Variants in NLGN4Y observed in about 807,000 individuals in gnomAD.
NLGN4Y encodes the protein neuroligin 4 Y-linked, also known as neuroligin-4, Y-linked.
A neutral mutation model predicts 8.4 loss-of-function variants in NLGN4Y; 4 were observed. The observed-to-expected ratio is 0.48, with a 90% confidence interval of 0.23 to 1.09. The LOEUF (loss-of-function observed/expected upper bound fraction) is 1.09, where lower values mean the gene tolerates loss of function less well. Ranked by LOEUF, NLGN4Y falls within the 50% of genes least tolerant of loss-of-function variation. NLGN4Y has a pLI of 0.19. For synonymous variants in NLGN4Y, 35 were observed against 75.6 expected (o/e 0.46, Z 2.78); for missense variants, 90 against 192.3 (o/e 0.47, Z 3.15).
intron 1 of NLGN4Y, among the ~76,000 whole-genome samples, chrY:14,612,650 TCTC>T (rs2080474247): frequency 6.0e-5 from 2 of 33,396 alleles, no homozygotes; most frequent in Non-Finnish European, 1.5e-4. Flanking sequence ...ATTGCTGTCT[TCTC>T]CTTCCTCTGG....
intron 6 of NLGN4Y, among the ~76,000 whole-genome samples, chrY:14,833,414 A>G: frequency 5.9e-5 from 2 of 34,121 alleles, no homozygotes; most frequent in Admixed American, 2.6e-4. Flanking sequence ...ATAAGTGCCC[A>G]TGAAATCTTT....
intron 2 of NLGN4Y, among the ~76,000 whole-genome samples, chrY:14,702,629 C>A (rs2080856615): frequency 3.0e-5 from 1 of 33,195 alleles, no homozygotes; most frequent in Non-Finnish European, 7.4e-5. Flanking sequence ...CGTACGTGTG[C>A]ACGTGTCTTT....
chrY:14,823,567 G>A (rs2043131568), intron 4 of NLGN4Y, among the ~76,000 whole-genome samples: 1 of 33,543 alleles, frequency 3.0e-5, no homozygotes, highest in Non-Finnish European at 7.4e-5. Context: ...CTTGAACCTC[G>A]TAAAATTTAC....
At chrY:14,619,602 C>T (rs773012147) in intron 1 of NLGN4Y, among the ~76,000 whole-genome samples, 1 of 33,757 alleles carries the variant, frequency 3.0e-5, no homozygotes. Context: ...CTGTCCTGCT[C>T]TGCACAATTT....
chrY:14,621,836 C>A (rs775478296), intron 1 of NLGN4Y, among the ~76,000 whole-genome samples, 173 bp from the exon 2 acceptor site: 270 of 33,160 alleles, frequency 8.1e-3, no homozygotes, highest in African/African-American at 0.029. Flanking sequence ...ATAATAAAGA[C>A]AAGTTATGTT....
chrY:14,770,984 G>A (rs779780178), intron 4 of NLGN4Y, among the ~76,000 whole-genome samples: 1 of 32,695 alleles, frequency 3.1e-5, no homozygotes, highest in Non-Finnish European at 7.5e-5. Flanking sequence ...ATGAAATAAA[G>A]CATAAAGACA....
At chrY:14,714,120 T>TTG (rs2080907517) in intron 2 of NLGN4Y, among the ~76,000 whole-genome samples, 1 of 32,127 alleles carries the variant, frequency 3.1e-5, no homozygotes, top group Non-Finnish European at 7.6e-5. Context: ...TTGGGCTTCT[T>TTG]TGTGTGTGTG....
At chrY:14,720,216 C>T (rs750092519) in intron 3 of NLGN4Y, among the ~76,000 whole-genome samples, 6 of 33,559 alleles carry the variant, frequency 1.8e-4, no homozygotes, top group African/African-American at 6.9e-4. Flanking sequence ...GTTTTCACAC[C>T]ACCGTTCTTT....
intron 1 of NLGN4Y, among the ~76,000 whole-genome samples, chrY:14,531,572 A>C: frequency 3.2e-5 from 1 of 31,159 alleles, no homozygotes; most frequent in Non-Finnish European, 7.7e-5. Context: ...TATAAATATA[A>C]GTTATATATT....
At chrY:14,778,758 T>C (rs2081136267) in intron 4 of NLGN4Y, among the ~76,000 whole-genome samples, 2 of 33,982 alleles carry the variant, frequency 5.9e-5, no homozygotes, top group South Asian at 1.3e-3. Context: ...GTGTGAAATG[T>C]GTAATAATCA....
chrY:14,748,804 A>G, intron 4 of NLGN4Y: 1 of 93,220 alleles, frequency 1.1e-5, no homozygotes, highest in Non-Finnish European at 2.4e-5. Context: ...TGATTATGCT[A>G]TAGGGAGAAA....
chrY:14,558,005 A>G, intron 1 of NLGN4Y, among the ~76,000 whole-genome samples: 2 of 33,341 alleles, frequency 6.0e-5, no homozygotes, highest in African/African-American at 2.3e-4. Flanking sequence ...AACTAATGTG[A>G]AGAATTTAGA....
chrY:14,574,747 T>C (rs2080290435), intron 1 of NLGN4Y, among the ~76,000 whole-genome samples: 2 of 33,638 alleles, frequency 5.9e-5, no homozygotes, highest in Non-Finnish European at 1.5e-4. Flanking sequence ...CCTTTCCATG[T>C]TTAGTGCTTC....
intron 4 of NLGN4Y, among the ~76,000 whole-genome samples, chrY:14,726,786 T>C (rs2080956623): frequency 2.9e-5 from 1 of 33,936 alleles, no homozygotes; most frequent in Non-Finnish European, 7.3e-5. Context: ...TAAATTGATA[T>C]AGAAAAAGAT....
intron 2 of NLGN4Y, 91 bp downstream of exon 2, chrY:14,622,682 C>T: frequency 4.7e-6 from 1 of 211,579 alleles, no homozygotes. Flanking sequence ...CTTGCATGAT[C>T]TTTTCTATAA....
chrY:14,810,707 T>G, intron 4 of NLGN4Y, among the ~76,000 whole-genome samples: 1 of 33,282 alleles, frequency 3.0e-5, no homozygotes, highest in Admixed American at 2.8e-4. Flanking sequence ...CCATCTTGGT[T>G]TTTTTTATTT....
At chrY:14,644,373 C>A (rs777943502) in intron 2 of NLGN4Y, among the ~76,000 whole-genome samples, 23 of 32,509 alleles carry the variant, frequency 7.1e-4, no homozygotes, top group African/African-American at 2.7e-3. Context: ...ACGAATGAGT[C>A]ACTGACCAAA....
intron 2 of NLGN4Y, among the ~76,000 whole-genome samples, chrY:14,697,239 A>AGATT (rs2150540528): frequency 3.1e-5 from 1 of 31,750 alleles, no homozygotes; most frequent in South Asian, 7.1e-4. Context: ...ATAGATAGAT[A>AGATT]GATAGATAGA....
intron 5 of NLGN4Y, among the ~76,000 whole-genome samples, chrY:14,825,794 A>C (rs2043143490): frequency 3.1e-5 from 1 of 32,650 alleles, no homozygotes; most frequent in Admixed American, 2.9e-4. Context: ...CTGTTGGCAA[A>C]ATAGGGGAAG....
Sources: allele counts gnomAD v4.1 joint callset (sites outside exome capture counted in the v4.1 genomes callset), GRCh38; gene constraint gnomAD v4.1.1; transcripts MANE v1.5; gene names NCBI Gene and HGNC (gene_info 2026-07-23, HGNC 2026-07-21).